Variants in MSH4 observed in about 807,000 individuals in gnomAD.
MSH4 encodes the protein mutS protein homolog 4.
A neutral mutation model predicts 113.7 loss-of-function variants in MSH4; 106 were observed. The observed-to-expected ratio is 0.93, with a 90% CI of 0.80 to 1.10. The LOEUF is 1.10. Ranked by LOEUF, MSH4 falls within the 50% of genes least tolerant of loss-of-function variation. MSH4 has a pLI of 0.00. For missense variants in MSH4, 1,061 were observed against 1,093.7 expected, an observed-to-expected ratio of 0.97 and a Z score of 0.42; for synonymous variants, 368 against 380.2, an observed-to-expected ratio of 0.97 and a Z score of 0.37.
At chr1:75,885,057 G>GTATATA (rs1440064046) in intron 15 of MSH4, among the ~76,000 whole-genome samples, 18,964 of 113,602 alleles carry the variant, frequency 0.17, 1,671 homozygotes, top group Middle Eastern at 0.27. Flanking sequence ...GTGTGTGTGT[G>GTATATA]TGTATATATA....
chr1:75,901,927 A>C (rs575466573), intron 19 of MSH4, among the ~76,000 whole-genome samples: 1 of 152,100 alleles, frequency 6.6e-6, no homozygotes, highest in African/African-American at 2.4e-5. Flanking sequence ...ACATTTTTTC[A>C]TATACCTGTT....
At chr1:75,847,751 G>A (rs1651105492) in intron 7 of MSH4, among the ~76,000 whole-genome samples, 1 of 152,296 alleles carries the variant, frequency 6.6e-6, no homozygotes, top group East Asian at 1.9e-4. Flanking sequence ...ACCTGTTCTT[G>A]TGTGGGAACT....
chr1:75,851,582 G>A (rs968727839), intron 8 of MSH4, among the ~76,000 whole-genome samples: 3 of 151,864 alleles, frequency 2.0e-5, no homozygotes, highest in Non-Finnish European at 4.4e-5. Context: ...GCTAACTTTG[G>A]TATTTTTAGT....
chr1:75,805,133 T>A (rs199658408), intron 2 of MSH4, among the ~76,000 whole-genome samples: 3 of 152,020 alleles, frequency 2.0e-5, no homozygotes, highest in South Asian at 4.1e-4. Context: ...CCCTGACCTG[T>A]TTATTTTTAA....
chr1:75,842,503 A>T (rs188667217), intron 7 of MSH4, among the ~76,000 whole-genome samples: 1 of 152,370 alleles, frequency 6.6e-6, no homozygotes, highest in East Asian at 1.9e-4. Flanking sequence ...ATATGATTAT[A>T]TATGAATATC....
In MSH4 at chr1:75,878,142, A is replaced by G. The variant is rs751675500; in HGVS notation, c.1371-7A>G. On this transcript the variant is annotated splice_region_variant and splice_polypyrimidine_tract_variant and intron_variant, in intron 10 of 19. Coordinates refer to ENST00000263187, the MANE Select transcript of MSH4 (RefSeq NM_002440.4). ...CTATAATGTTTTTCTTTTGGCCTTA[A>G]TATTAGGTTTGGAATCATACTTGAA... The G allele has an allele frequency of 1.3e-6, 2 of 1,555,048 alleles. No individual in the cohort carries two copies. The highest frequency in any genetic ancestry group is 2.1e-5 in the Admixed American group (1 of 47,424).
chr1:75,853,768 A>G (rs1342582868), intron 8 of MSH4, among the ~76,000 whole-genome samples: 3 of 151,912 alleles, frequency 2.0e-5, no homozygotes, highest in Non-Finnish European at 2.9e-5. Context: ...ATTTGCTTCT[A>G]TGCTCTTTGG....
At position 75,883,736 on chromosome 1, in the gene MSH4, T is replaced by G. The variant is rs968375116; in HGVS notation, c.2022T>G (p.Asn674Lys). The change falls in exon 15 of 20, where the codon AAT (asparagine) becomes AAG (lysine). Residue 674 changes from asparagine to lysine, a missense_variant. Asn to Lys is a moderately conservative substitution (Grantham distance 94, BLOSUM62 0). Transcript: ENST00000263187. ...ANNTYVTEGS[N>K]FLIITGPNMS... ...ATACCTATGTTACAGAAGGGAGTAA[T>G]TTTTTGATCATAACTGGACCAAACA... is the stretch of plus-strand genomic sequence containing the variant. The G allele has an allele frequency of 3.1e-6, 5 of 1,613,126 alleles. No homozygotes were observed. The highest frequency in any genetic ancestry group is 1.1e-5 in the South Asian group (1 of 91,038).
At chr1:75,903,138 C>A (rs1391571533) in intron 19 of MSH4, among the ~76,000 whole-genome samples, 1 of 151,794 alleles carries the variant, frequency 6.6e-6, no homozygotes, top group Non-Finnish European at 1.5e-5. Flanking sequence ...TATCCTAAAG[C>A]ATTTCCCAAT....
At chr1:75,827,607 G>A (rs1251348755) in intron 7 of MSH4, among the ~76,000 whole-genome samples, 1 of 144,292 alleles carries the variant, frequency 6.9e-6, no homozygotes, top group African/African-American at 2.6e-5. Flanking sequence ...CACATGCAAA[G>A]ACACACATAG....
At position 75,882,663 on chromosome 1, in the gene MSH4, TAAA is replaced by T. The variant is rs35936506; in HGVS notation, c.1907-934_1907-932del. On this transcript the variant is annotated intron_variant, in intron 14 of 19. Transcript: ENST00000263187. ...GGGCAACATAGCTAGACCTCATTTC[TAAA>T]AAAAAAAAAAAAAAAAAAAAAAATC... 5.6e-3 allele frequency among the ~76,000 whole-genome samples: 692 copies of T among 123,772 alleles called. 4 individuals carry two copies. The highest frequency in any genetic ancestry group is 8.8e-3 in the Middle Eastern group (2 of 228). The allele number at this position is 123,772 out of a possible 152,430, so 81.2% of individuals were successfully genotyped here.
chr1:75,892,300 C>G (rs1652272834), intron 17 of MSH4, among the ~76,000 whole-genome samples: 1 of 152,088 alleles, frequency 6.6e-6, no homozygotes, highest in African/African-American at 2.4e-5. Context: ...CATTTTAGAC[C>G]TTGGTACTTG....
intron 19 of MSH4, among the ~76,000 whole-genome samples, chr1:75,900,404 C>T (rs1652481643): frequency 2.0e-5 from 3 of 152,008 alleles, no homozygotes; most frequent in Non-Finnish European, 2.9e-5. Flanking sequence ...TGGGTTTAAG[C>T]GATTCTCCTG....
At chr1:75,838,927 G>T (rs1650891059) in intron 7 of MSH4, among the ~76,000 whole-genome samples, 1 of 152,058 alleles carries the variant, frequency 6.6e-6, no homozygotes, top group Admixed American at 6.6e-5. Context: ...ATCTTGTTAT[G>T]ATGACACTTA....
Position 75,807,079 on chromosome 1 carries a change from AT to A in MSH4, c.528del (p.Ile176MetfsTer3), listed in dbSNP as rs1650085625. 2 of 1,588,302 alleles carry A rather than the reference AT, an allele frequency of 1.3e-6. No individual in the cohort carries two copies. On this transcript the variant is annotated frameshift_variant, in exon 3 of 20. Transcript: ENST00000263187. LOFTEE classifies it high-confidence loss of function. ...LARGEIGMAS[I>X]DLKNPQIILS... ...CAGAGGTGAAATAGGAATGGCAAGTATTGATTTAAAAAACCCCCAAATTATA... is the reference window on the plus strand; with the variant it reads ...CAGAGGTGAAATAGGAATGGCAAGTATGATTTAAAAAACCCCCAAATTATA...
intron 7 of MSH4, among the ~76,000 whole-genome samples, chr1:75,847,518 G>T (rs903777041): frequency 6.6e-6 from 1 of 152,232 alleles, no homozygotes; most frequent in Non-Finnish European, 1.5e-5. Context: ...AAGAATGAGG[G>T]TAAGTCGTGT....
chr1:75,825,917 GAA>G (rs1006789670), intron 7 of MSH4, among the ~76,000 whole-genome samples: 1 of 152,026 alleles, frequency 6.6e-6, no homozygotes, highest in Non-Finnish European at 1.5e-5. Flanking sequence ...ATATTGGCCT[GAA>G]ATTTTCTTTT....
chr1:75,885,255 A>C (rs1437660777), intron 15 of MSH4, among the ~76,000 whole-genome samples: 1 of 141,750 alleles, frequency 7.1e-6, no homozygotes, highest in Admixed American at 7.5e-5. Context: ...TATACATTAT[A>C]TATATAAAAT....
In MSH4 at chr1:75,797,486, T is replaced by C. The variant is rs12144521; in HGVS notation, c.244+257T>C. The stretch of plus-strand genomic sequence containing the variant: ...GTATCCCATATAACGTCCCTCACAG[T>C]GTCTGACAAATGACAGTTTGTGCGT... On this transcript the variant is annotated intron_variant, in intron 1 of 19. Coordinates refer to ENST00000263187, the MANE Select transcript of MSH4 (RefSeq NM_002440.4). Among the ~76,000 whole-genome samples, 456 of 152,308 alleles carry C rather than the reference T, an allele frequency of 3.0e-3. 1 individual carries two copies. The highest frequency in any genetic ancestry group is 4.8e-3 in the Non-Finnish European group (329 of 68,020).
Sources: allele counts gnomAD v4.1 joint callset (sites outside exome capture counted in the v4.1 genomes callset), GRCh38; gene constraint gnomAD v4.1.1; transcripts MANE v1.5; gene names NCBI Gene and HGNC (gene_info 2026-07-23, HGNC 2026-07-21).